The following LRR1 variants were observed in gnomAD, a reference collection of about 807,000 sequenced individuals.
The protein encoded by LRR1 is leucine-rich repeat protein 1.
LRR1 carries 29 observed loss-of-function variants against 31.6 expected under a neutral mutation model. The ratio of observed to expected loss-of-function variants is 0.92; its 90% CI spans 0.68 to 1.25. The LOEUF (loss-of-function observed/expected upper bound fraction) is 1.25. Among genes scored for constraint, LRR1 ranks in the 50% most tolerant of loss-of-function variants. The probability of loss-of-function intolerance (pLI) is 0.00; values close to 1 mark genes in which losing one functional copy is unlikely to be tolerated. For synonymous variants in LRR1, 179 were observed against 181.4 expected (o/e 0.99, Z 0.10); for missense variants, 485 against 487.2 (o/e 1.00, Z 0.04).
chr14:49,611,849 G>A (rs1029314295), intron 3 of LRR1, among the ~76,000 whole-genome samples: 25 of 151,664 alleles, frequency 1.6e-4, no homozygotes, highest in African/African-American at 5.3e-4. Context: ...GCTTGAACCC[G>A]GGAGGTTGAG....
In LRR1 at chr14:49,607,547, A is replaced by C; in HGVS notation, c.430A>C (p.Lys144Gln). Residue 144 changes from lysine to glutamine, a missense_variant, in exon 3 of 4, where the codon AAA becomes CAA. Physicochemically the swap from Lys to Gln is moderately conservative, Grantham distance 53 (BLOSUM62 1). This residue lies in a region of LRR1 where 260 missense variants were observed against 249.6 expected (regional missense o/e 1.04). Transcript: ENST00000298288. ...FKTKMVITSK[K>Q]DYPLSKNFPY... ...AACTAAAATGGTTATCACATCCAAA[A>C]AAGACTATCCTCTAAGTAAGAATTT... 1.9e-6 allele frequency: 3 copies of C among 1,614,152 alleles called. No individual in the cohort carries two copies. Among genetic ancestry groups the C allele is most frequent in the Non-Finnish European group, 2.5e-6 (3 of 1,180,024 alleles).
At position 49,599,089 on chromosome 14, in the gene LRR1, C is replaced by T; in HGVS notation, c.69C>T (p.Gly23=). Residue 23 remains glycine (G), a synonymous_variant, in exon 1 of 4, where the codon GGC becomes GGT. Coordinates refer to ENST00000298288, the MANE Select transcript of LRR1 (RefSeq NM_152329.4). ...CCGCCTTGGGGCTTAGGAACCGGGG[C>T]AAGGGCGTCCGAGCCGTGTTGAGCC... ...HLPALGLRNR[G]KGVRAVLSLC... 1 of 1,608,002 alleles carries T rather than the reference C, an allele frequency of 6.2e-7. No homozygotes were observed. Among genetic ancestry groups the T allele is most frequent in the Non-Finnish European group, 8.5e-7 (1 of 1,177,526 alleles).
At chr14:49,602,244 A>C in intron 1 of LRR1, 126 bp from the exon 2 acceptor site, 2 of 679,876 alleles carry the variant, frequency 2.9e-6, no homozygotes, top group Non-Finnish European at 4.9e-6. Flanking sequence ...AAATGAAAAC[A>C]CTCAGACTCA....
At chr14:49,610,567 G>A (rs1342501722) in intron 3 of LRR1, among the ~76,000 whole-genome samples, 1 of 149,770 alleles carries the variant, frequency 6.7e-6, no homozygotes, top group Non-Finnish European at 1.5e-5. Flanking sequence ...TGTTCAGGTT[G>A]CTTTTTATTT....
Position 49,607,543 on chromosome 14 carries a change from CA to C in LRR1, c.432del (p.Asp145ThrfsTer4). 6.2e-7 allele frequency: 1 copy of C among 1,613,804 alleles called. No homozygotes were observed. Among genetic ancestry groups the C allele is most frequent in the Non-Finnish European group, 8.5e-7 (1 of 1,179,954 alleles). ...NFKTKMVITS[K>X]KDYPLSKNFP... ...TTAAAACTAAAATGGTTATCACATC[CA>C]AAAAAGACTATCCTCTAAGTAAGAA... On this transcript the variant is annotated frameshift_variant, in exon 3 of 4. Transcript: ENST00000298288. LOFTEE classifies it high-confidence loss of function.
chr14:49,600,961 A>C, intron 1 of LRR1: 1 of 1,572,914 alleles, frequency 6.4e-7, no homozygotes, highest in Non-Finnish European at 8.6e-7. Flanking sequence ...ACATTTCTGC[A>C]CAGCCCTTAC....
At position 49,599,134 on chromosome 14, in the gene LRR1, G is replaced by A. The variant is rs746393457; in HGVS notation, c.114G>A (p.Arg38=). ...TGAGCCTCTGTCAGCAGACTTCCAG[G>A]AGTCAGCCGCCGGTCCGAGCCTTCC... is the stretch of plus-strand genomic sequence containing the variant. ...AVLSLCQQTS[R]SQPPVRAFLL... The change falls in exon 1 of 4, where the codon AGG becomes AGA. Residue 38 remains arginine (R), a synonymous_variant. Coordinates refer to ENST00000298288, the MANE Select transcript of LRR1 (RefSeq NM_152329.4). The A allele has an allele frequency of 1.9e-6, 3 of 1,608,412 alleles. No homozygotes were observed. Among genetic ancestry groups the A allele is most frequent in the Non-Finnish European group, 8.5e-7 (1 of 1,177,970 alleles).
intron 3 of LRR1, among the ~76,000 whole-genome samples, chr14:49,608,477 A>G (rs1459299578): frequency 4.8e-5 from 2 of 41,948 alleles, no homozygotes; most frequent in Non-Finnish European, 9.5e-5. Flanking sequence ...TGTTATATAT[A>G]TTTTTAAACT....
intron 1 of LRR1, chr14:49,601,611 G>A: frequency 1.6e-6 from 2 of 1,289,462 alleles, no homozygotes; most frequent in Non-Finnish European, 2.0e-6. Context: ...CCTACTGGGA[G>A]GTGTGCCCAC....
At chr14:49,600,534 G>A in intron 1 of LRR1, 1 of 1,569,398 alleles carries the variant, frequency 6.4e-7, no homozygotes, top group South Asian at 1.1e-5. Flanking sequence ...GGCTATCATA[G>A]CCATTTTAAC....
rs34947556 is a variant in LRR1, at chr14:49,607,523, A to G, written c.406A>G (p.Thr136Ala). ...GACTTCAGAATTTGAAAACTTTAAAACTAAAATGGTTATCACATCCAAAAA... is the reference window on the plus strand; with the variant it reads ...GACTTCAGAATTTGAAAACTTTAAAGCTAAAATGGTTATCACATCCAAAAA... The part of the protein sequence containing the change: ...VKTSEFENFK[T>A]KMVITSKKDY... Residue 136 changes from threonine to alanine, a missense_variant, in exon 3 of 4, where the codon ACT (threonine) becomes GCT (alanine). By Grantham distance (58) the Thr-to-Ala change is moderately conservative. Around this residue, in one of 3 missense-constraint regions of LRR1, gnomAD observed 260 missense variants for 249.6 expected, o/e 1.04. Transcript: ENST00000298288. 4,334 of 1,614,126 alleles carry G rather than the reference A, an allele frequency of 2.7e-3. 78 individuals are homozygous for G. The African/African-American group carries it at 0.047, about 18-fold the overall frequency.
In LRR1 at chr14:49,610,925, T is replaced by C. The variant is rs145258551; in HGVS notation, c.1004+2804T>C. 1.1e-4 allele frequency among the ~76,000 whole-genome samples: 17 copies of C among 152,302 alleles called. No homozygotes were observed. The East Asian group carries it at 3.3e-3, about 29-fold the overall frequency. On this transcript the variant is annotated intron_variant, in intron 3 of 3. Transcript: ENST00000298288. ...GTGGACCAAAGTATTACTGAGAACC[T>C]ATAAAATGGTAGAAAGATCATATTT... is the stretch of plus-strand genomic sequence containing the variant.
intron 1 of LRR1, among the ~76,000 whole-genome samples, chr14:49,601,996 G>C (rs1882075340): frequency 6.6e-6 from 1 of 151,892 alleles, no homozygotes; most frequent in Non-Finnish European, 1.5e-5. Context: ...AGCCGGGCAT[G>C]GTGGCACGCA....
intron 3 of LRR1, among the ~76,000 whole-genome samples, chr14:49,608,845 GGAGTCAGACT>G (rs1179152557): frequency 6.7e-6 from 1 of 148,962 alleles, no homozygotes; most frequent in Non-Finnish European, 1.5e-5. Flanking sequence ...GGTGGTCTTT[GGAGTCAGACT>G]TGGATTTGAT....
rs535896777 is a variant in LRR1 at position 49,609,052 on chromosome 14, T to C, written c.1004+931T>C. On this transcript the variant is annotated intron_variant, in intron 3 of 3. Coordinates refer to ENST00000298288, the MANE Select transcript of LRR1 (RefSeq NM_152329.4). ...CCTCAGCCTACTGAGTAGCTGGGACTACAGGCGCCCGCCAACACGCCTGGC... is the reference window on the plus strand; with the variant it reads ...CCTCAGCCTACTGAGTAGCTGGGACCACAGGCGCCCGCCAACACGCCTGGC... 3.4e-3 allele frequency among the ~76,000 whole-genome samples: 521 copies of C among 151,316 alleles called. 4 individuals are homozygous for C. Among genetic ancestry groups the C allele is most frequent in the African/African-American group, 0.012 (498 of 41,232 alleles).
Position 49,602,482 on chromosome 14 carries a change from A to T in LRR1, c.282+14A>T. 1 of 1,575,104 alleles carries T rather than the reference A, an allele frequency of 6.3e-7. No individual in the cohort carries two copies. The highest frequency in any genetic ancestry group is 8.7e-7 in the Non-Finnish European group (1 of 1,147,086). Reference sequence around the variant, plus strand: ...TGTCTAAGTAAGGTATGGTATTAAAAACATTAATGATTAATATTTGGCTGT... The same window carrying T: ...TGTCTAAGTAAGGTATGGTATTAAATACATTAATGATTAATATTTGGCTGT... On this transcript the variant is annotated intron_variant, in intron 2 of 3. Coordinates refer to ENST00000298288, the MANE Select transcript of LRR1 (RefSeq NM_152329.4).
chr14:49,612,651 G>C (rs1415204587), intron 3 of LRR1: 1 of 1,042,714 alleles, frequency 9.6e-7, no homozygotes, highest in Non-Finnish European at 1.2e-6. Flanking sequence ...TATTTGAAAT[G>C]TGTATCTTTT....
At chr14:49,614,085 A>T (rs904095119) in intron 3 of LRR1, among the ~76,000 whole-genome samples, 171 bp from the exon 4 acceptor site, 2 of 152,122 alleles carry the variant, frequency 1.3e-5, no homozygotes, top group African/African-American at 4.8e-5. Context: ...AAGATATTTT[A>T]TGGTGTGGTA....
At chr14:49,614,115 C>T in intron 3 of LRR1, 141 bp from the exon 4 acceptor site, 1 of 801,356 alleles carries the variant, frequency 1.2e-6, no homozygotes, top group South Asian at 2.0e-5. Flanking sequence ...TACAATATGT[C>T]ATATATTGTT....
Sources: gnomAD v4.1 joint callset for allele counts (sites outside exome capture counted in the v4.1 genomes callset) on GRCh38, gnomAD v4.1.1 for gene constraint, gnomAD v4.1.1 regional missense constraint, MANE v1.5 for transcripts, NCBI Gene and HGNC (gene_info 2026-07-23, HGNC 2026-07-21) for gene names.